The following SLC35F1 variants were observed in gnomAD, a reference collection of about 807,000 sequenced individuals.
SLC35F1 encodes the protein solute carrier family 35 member F1, also known as chromosome 6 open reading frame 169.
A neutral mutation model predicts 48.7 loss-of-function variants in SLC35F1; 14 were observed. The observed-to-expected ratio is 0.29, with a 90% confidence interval of 0.19 to 0.45. SLC35F1 has a LOEUF of 0.45. Among genes scored for constraint, SLC35F1 ranks in the 20% least tolerant of loss-of-function variants. The pLI is 1.00. For synonymous variants in SLC35F1, 190 were observed against 202.2 expected (o/e 0.94, Z 0.51); for missense variants, 404 against 500.0 (o/e 0.81, Z 1.83).
chr6:118,085,018 G>A lies in SLC35F1; in HGVS notation c.174-69427G>A, dbSNP rs145924733. Among the ~76,000 whole-genome samples, 15 of 152,216 alleles carry A rather than the reference G, an allele frequency of 9.9e-5. No homozygotes were observed. The East Asian group carries it at 1.4e-3, about 14-fold the overall frequency. On this transcript the variant is annotated intron_variant, in intron 1 of 7. Transcript: ENST00000360388. ...GATTTGTTTAACCATCCCCTCTTCC[G>A]GTTGTAGGTAGCCTGGGTGGTGGGG...
At chr6:118,228,563 G>A (rs1374054282) in intron 2 of SLC35F1, among the ~76,000 whole-genome samples, 6 of 151,932 alleles carry the variant, frequency 3.9e-5, no homozygotes, top group Non-Finnish European at 5.9e-5. Flanking sequence ...ATATGGTGGC[G>A]TGCATCTGTA....
chr6:118,036,609 G>A (rs1192727436), intron 1 of SLC35F1, among the ~76,000 whole-genome samples: 4 of 152,136 alleles, frequency 2.6e-5, no homozygotes, highest in Non-Finnish European at 5.9e-5. Flanking sequence ...CTAGGCTGGA[G>A]TGCAGTGGCA....
chr6:118,149,325 G>C (rs1774020851), intron 1 of SLC35F1, among the ~76,000 whole-genome samples: 1 of 152,160 alleles, frequency 6.6e-6, no homozygotes, highest in South Asian at 2.1e-4. Context: ...TAGTGCAACA[G>C]TAAATGAACT....
At position 118,311,122 on chromosome 6, in the gene SLC35F1, A is replaced by T. The variant is rs141017782; in HGVS notation, c.1003-2906A>T. On this transcript the variant is annotated intron_variant, in intron 7 of 7. Coordinates refer to ENST00000360388, the MANE Select transcript of SLC35F1 (RefSeq NM_001029858.4). Reference sequence around the variant, plus strand: ...GCCCTGAGTCTTCTATCCAGACTCTAGCTTTCTTCATTGTCTCTTCCAATT... The same window carrying T: ...GCCCTGAGTCTTCTATCCAGACTCTTGCTTTCTTCATTGTCTCTTCCAATT... 2.8e-3 allele frequency among the ~76,000 whole-genome samples: 431 copies of T among 152,316 alleles called. 3 individuals carry two copies. The highest frequency in any genetic ancestry group is 4.1e-3 in the Non-Finnish European group (278 of 68,022).
rs3734345 is a variant in SLC35F1, at chr6:118,315,879, T to C, written c.*1627T>C. ...ATTAAGAAACACCACAGACCTCTATTATTTAGAATAGATTCTATGTGTCAG... is the reference window on the plus strand; with the variant it reads ...ATTAAGAAACACCACAGACCTCTATCATTTAGAATAGATTCTATGTGTCAG... On this transcript the variant is annotated 3_prime_UTR_variant, in exon 8 of 8. Coordinates refer to ENST00000360388, the MANE Select transcript of SLC35F1 (RefSeq NM_001029858.4). The C allele has an allele frequency of 0.11, 16,456 of 152,236 alleles. 983 individuals are homozygous for C. The highest frequency in any genetic ancestry group is 0.18 in the Middle Eastern group (53 of 294). The allele number at this position is 152,236 out of a possible 1,614,324, so 9.4% of individuals were successfully genotyped here.
At chr6:118,149,027 G>C (rs1468007988) in intron 1 of SLC35F1, among the ~76,000 whole-genome samples, 3 of 152,162 alleles carry the variant, frequency 2.0e-5, no homozygotes. Flanking sequence ...TTCATCCTGT[G>C]TTTATTGAGC....
intron 1 of SLC35F1, among the ~76,000 whole-genome samples, chr6:118,008,367 G>C (rs1777202884): frequency 6.6e-6 from 1 of 152,184 alleles, no homozygotes. Flanking sequence ...GTGCACAGCA[G>C]GGGGCTTGAA....
chr6:118,011,593 A>G (rs1289587314), intron 1 of SLC35F1, among the ~76,000 whole-genome samples: 1 of 152,180 alleles, frequency 6.6e-6, no homozygotes, highest in Admixed American at 6.5e-5. Flanking sequence ...TGCGGAACCA[A>G]GATTTCTCAC....
At chr6:118,279,181 A>T (rs1054023157) in intron 6 of SLC35F1, among the ~76,000 whole-genome samples, 1 of 152,266 alleles carries the variant, frequency 6.6e-6, no homozygotes, top group Non-Finnish European at 1.5e-5. Context: ...ACACAAAAAA[A>T]TTAATCAATG....
chr6:118,003,326 A>T (rs1246743364), intron 1 of SLC35F1, among the ~76,000 whole-genome samples: 1 of 152,238 alleles, frequency 6.6e-6, no homozygotes, highest in Admixed American at 6.5e-5. Flanking sequence ...TGTTTATGAG[A>T]TTCTATAAAC....
At chr6:118,145,851 A>G (rs978860028) in intron 1 of SLC35F1, among the ~76,000 whole-genome samples, 25 of 152,226 alleles carry the variant, frequency 1.6e-4, no homozygotes, top group Non-Finnish European at 2.8e-4. Context: ...TAATTGTTTA[A>G]TTAGCCTCAA....
At chr6:118,154,951 A>G (rs1017603006) in intron 2 of SLC35F1, among the ~76,000 whole-genome samples, 11 of 152,190 alleles carry the variant, frequency 7.2e-5, no homozygotes, top group African/African-American at 2.7e-4. Context: ...CCTGATGCAG[A>G]TATTCTAAAT....
intron 1 of SLC35F1, among the ~76,000 whole-genome samples, chr6:117,961,803 A>T (rs946711022): frequency 1.3e-5 from 2 of 152,140 alleles, no homozygotes; most frequent in Non-Finnish European, 2.9e-5. Flanking sequence ...GACATGTTTC[A>T]TTTTCTGTGA....
intron 2 of SLC35F1, among the ~76,000 whole-genome samples, chr6:118,210,539 G>A (rs568709535): frequency 2.6e-5 from 4 of 152,306 alleles, no homozygotes; most frequent in African/African-American, 9.6e-5. Flanking sequence ...AGGTAACTTA[G>A]GATCTGATTT....
intron 5 of SLC35F1, among the ~76,000 whole-genome samples, chr6:118,276,681 T>C (rs1775921859): frequency 6.6e-6 from 1 of 152,326 alleles, no homozygotes; most frequent in South Asian, 2.1e-4. Flanking sequence ...ATAGCCAACA[T>C]TTTGTAGATA....
chr6:118,153,643 TA>T (rs1472311832), intron 1 of SLC35F1, among the ~76,000 whole-genome samples: 2 of 152,148 alleles, frequency 1.3e-5, no homozygotes, highest in Non-Finnish European at 2.9e-5. Context: ...TATGCAAAAT[TA>T]ACGCCTTGAC....
chr6:117,947,250 A>G (rs536342399), intron 1 of SLC35F1, among the ~76,000 whole-genome samples: 75 of 152,284 alleles, frequency 4.9e-4, no homozygotes, highest in Non-Finnish European at 8.1e-4. Flanking sequence ...CAGAAATGCA[A>G]ATGCCTGAGC....
chr6:118,048,689 A>G (rs1385580074), intron 1 of SLC35F1, among the ~76,000 whole-genome samples: 1 of 152,202 alleles, frequency 6.6e-6, no homozygotes, highest in East Asian at 1.9e-4. Context: ...GAGAACTACA[A>G]AGCACTGCTC....
At chr6:118,272,581 A>G (rs184989900) in intron 4 of SLC35F1, among the ~76,000 whole-genome samples, 80 of 151,948 alleles carry the variant, frequency 5.3e-4, no homozygotes, top group African/African-American at 1.9e-3. Context: ...AACTAGATAC[A>G]AATTTTTTTT....
Sources: gnomAD v4.1 joint callset for allele counts (sites outside exome capture counted in the v4.1 genomes callset) on GRCh38, gnomAD v4.1.1 for gene constraint, MANE v1.5 for transcripts, NCBI Gene and HGNC (gene_info 2026-07-23, HGNC 2026-07-21) for gene names.